Variants in AGBL3 observed in about 807,000 individuals in gnomAD.
The protein encoded by AGBL3 is AGBL carboxypeptidase 3.
A neutral mutation model predicts 94.5 loss-of-function variants in AGBL3; 68 were observed. The ratio of observed to expected loss-of-function variants is 0.72; its 90% CI spans 0.59 to 0.88. AGBL3 has a LOEUF of 0.88. AGBL3 is among the 40% of genes least tolerant of loss of function. AGBL3 has a pLI of 0.00. For synonymous variants in AGBL3, 354 were observed against 370.7 expected (o/e 0.95, Z 0.52); for missense variants, 934 against 1,103.8 (o/e 0.85, Z 2.18).
intron 8 of AGBL3, among the ~76,000 whole-genome samples, chr7:135,041,242 T>C (rs1816827731): frequency 6.6e-6 from 1 of 152,168 alleles, no homozygotes; most frequent in African/African-American, 2.4e-5. Flanking sequence ...AATCACAGCA[T>C]AATTGTTTAT....
chr7:135,080,073 A>C, intron 13 of AGBL3, 130 bp from the exon 14 acceptor site: 2 of 682,842 alleles, frequency 2.9e-6, no homozygotes, highest in Non-Finnish European at 4.7e-6. Flanking sequence ...AATTTTGGTC[A>C]TTCTAAACCT....
At chr7:135,020,741 G>A (rs1584856067) in intron 5 of AGBL3, among the ~76,000 whole-genome samples, 1 of 152,066 alleles carries the variant, frequency 6.6e-6, no homozygotes, top group East Asian at 1.9e-4. Context: ...AAAAAATGAT[G>A]AGTTCATGTC....
intron 5 of AGBL3, among the ~76,000 whole-genome samples, chr7:135,026,940 C>T (rs1815214343): frequency 6.6e-6 from 1 of 151,526 alleles, no homozygotes; most frequent in Non-Finnish European, 1.5e-5. Flanking sequence ...AATCAAACAC[C>T]TTTTAGTATT....
intron 12 of AGBL3, among the ~76,000 whole-genome samples, chr7:135,072,897 AAAACTT>A (rs1234572397): frequency 6.6e-6 from 1 of 152,138 alleles, no homozygotes; most frequent in Non-Finnish European, 1.5e-5. Flanking sequence ...TATGTACCCT[AAAACTT>A]AAAGTATAAT....
intron 11 of AGBL3, among the ~76,000 whole-genome samples, chr7:135,051,336 C>G (rs1817856523): frequency 6.6e-6 from 1 of 152,012 alleles, no homozygotes; most frequent in South Asian, 2.1e-4. Context: ...GTGCTCTAAT[C>G]AATTTCAGTC....
At chr7:135,114,925 C>G (rs139108408) in intron 15 of AGBL3, among the ~76,000 whole-genome samples, 48 of 152,262 alleles carry the variant, frequency 3.2e-4, no homozygotes, top group African/African-American at 1.1e-3. Context: ...GTCCATGTTA[C>G]CTACCTAAAT....
intron 12 of AGBL3, among the ~76,000 whole-genome samples, chr7:135,059,477 T>C (rs1048819850): frequency 1.3e-5 from 2 of 152,222 alleles, no homozygotes; most frequent in Non-Finnish European, 1.5e-5. Flanking sequence ...TTAAAAGCCA[T>C]ACAACTTGTT....
chr7:135,134,919 C>A lies in AGBL3; in HGVS notation c.2421C>A (p.Ile807=). 1.3e-6 allele frequency: 2 copies of A among 1,551,044 alleles called. No homozygotes were observed. The highest frequency in any genetic ancestry group is 1.7e-6 in the Non-Finnish European group (2 of 1,146,610). ...CACCCAGAAATCACCCTTTTGTAAT[C>A]CAAGGGGATGTTATGGCAAACTCTT... ...WTAPRNHPFV[I]QGDVMANSSE... is the part of the protein sequence containing the mutation. Residue 807 remains isoleucine (I), a synonymous_variant, in exon 17 of 17, where the codon ATC becomes ATA. Coordinates refer to ENST00000436302, the MANE Select transcript of AGBL3 (RefSeq NM_178563.4).
intron 16 of AGBL3, among the ~76,000 whole-genome samples, chr7:135,118,371 C>T (rs1048417268): frequency 3.3e-5 from 5 of 152,034 alleles, no homozygotes; most frequent in Non-Finnish European, 7.4e-5. Flanking sequence ...TAGACCCCAC[C>T]CCAATCTCAA....
intron 16 of AGBL3, among the ~76,000 whole-genome samples, chr7:135,133,593 G>A (rs1829088355): frequency 6.6e-6 from 1 of 152,174 alleles, no homozygotes; most frequent in African/African-American, 2.4e-5. Context: ...CAGTGGAACT[G>A]AGGCAAAAAC....
chr7:135,019,468 T>C (rs1467937143), intron 5 of AGBL3, among the ~76,000 whole-genome samples: 1 of 152,234 alleles, frequency 6.6e-6, no homozygotes, highest in African/African-American at 2.4e-5. Flanking sequence ...TTCTTTTCAC[T>C]TTTTTATCTT....
chr7:135,104,449 A>G (rs1824336893), intron 15 of AGBL3, among the ~76,000 whole-genome samples: 3 of 152,186 alleles, frequency 2.0e-5, no homozygotes, highest in Non-Finnish European at 4.4e-5. Flanking sequence ...ATACCCAGTA[A>G]TAGAATTACC....
chr7:135,106,613 G>C (rs1456125449), intron 15 of AGBL3, among the ~76,000 whole-genome samples: 2 of 152,190 alleles, frequency 1.3e-5, no homozygotes, highest in Non-Finnish European at 2.9e-5. Flanking sequence ...GATTTGGTTT[G>C]CAAGTATTTT....
chr7:135,045,387 T>G, intron 9 of AGBL3, 87 bp from the exon 10 acceptor site: 8 of 1,023,198 alleles, frequency 7.8e-6, no homozygotes, highest in Non-Finnish European at 1.0e-5. Context: ...ATCATATCAA[T>G]GTTTTGTTTA....
intron 2 of AGBL3, among the ~76,000 whole-genome samples, chr7:134,988,558 G>A (rs576144820): frequency 9.2e-5 from 14 of 152,028 alleles, no homozygotes; most frequent in African/African-American, 1.9e-4. Context: ...CTAATGTCCC[G>A]AAATAAGCTC....
intron 15 of AGBL3, among the ~76,000 whole-genome samples, chr7:135,090,623 G>A (rs183475404): frequency 2.8e-4 from 42 of 152,244 alleles, no homozygotes; most frequent in African/African-American, 8.2e-4. Context: ...ACTGGGGTAC[G>A]TGACCACTCT....
intron 15 of AGBL3, among the ~76,000 whole-genome samples, chr7:135,114,928 A>G (rs1826116167): frequency 6.6e-6 from 1 of 152,144 alleles, no homozygotes; most frequent in Non-Finnish European, 1.5e-5. Context: ...CATGTTACCT[A>G]CCTAAATTTA....
chr7:135,133,666 T>G (rs889865817), intron 16 of AGBL3, among the ~76,000 whole-genome samples: 8 of 152,106 alleles, frequency 5.3e-5, no homozygotes, highest in Non-Finnish European at 1.0e-4. Context: ...AGCAATTCAA[T>G]GGAGAAAAAA....
intron 4 of AGBL3, among the ~76,000 whole-genome samples, chr7:135,003,668 T>TC (rs912390058): frequency 4.0e-5 from 6 of 151,544 alleles, no homozygotes; most frequent in African/African-American, 9.7e-5. Flanking sequence ...TTTTTTTTTT[T>TC]CTGCACCGTT....
Sources: allele counts gnomAD v4.1 joint callset (sites outside exome capture counted in the v4.1 genomes callset), GRCh38; gene constraint gnomAD v4.1.1; transcripts MANE v1.5; gene names NCBI Gene and HGNC (gene_info 2026-07-23, HGNC 2026-07-21).